CHD9: variants seen among roughly 807,000 people sequenced by gnomAD.
The protein encoded by CHD9 is chromodomain helicase DNA binding protein 9, also known as ATP-dependent chromatin remodeler CHD9.
Under a neutral mutation model 316.1 loss-of-function variants are expected in CHD9, and 77 were observed. The observed-to-expected ratio is 0.24, with a 90% CI of 0.20 to 0.29. The LOEUF is 0.29. Ranked by LOEUF, CHD9 falls within the 10% of genes least tolerant of loss-of-function variation. CHD9 has a pLI of 1.00. For missense variants in CHD9, 2,763 were observed against 3,438.1 expected (o/e 0.80, Z 4.91); for synonymous variants, 1,129 against 1,158.3 (o/e 0.97, Z 0.51).
chr16:53,205,862 A>G (rs1011872623), intron 2 of CHD9, among the ~76,000 whole-genome samples: 5 of 152,172 alleles, frequency 3.3e-5, no homozygotes, highest in African/African-American at 9.7e-5. Flanking sequence ...TCAAATTGCT[A>G]GAGATCTCCA....
chr16:53,143,824 A>G (rs892865716), intron 1 of CHD9, among the ~76,000 whole-genome samples: 1 of 152,122 alleles, frequency 6.6e-6, no homozygotes, highest in African/African-American at 2.4e-5. Flanking sequence ...TTTTGCTGGG[A>G]CTCATGCTGT....
At chr16:53,221,660 T>C (rs1418071624) in intron 3 of CHD9, among the ~76,000 whole-genome samples, 1 of 152,144 alleles carries the variant, frequency 6.6e-6, no homozygotes, top group Non-Finnish European at 1.5e-5. Flanking sequence ...TCAATATATA[T>C]ATAAACATAC....
At chr16:53,241,907 T>G (rs1012935367) in intron 12 of CHD9, among the ~76,000 whole-genome samples, 1 of 152,222 alleles carries the variant, frequency 6.6e-6, no homozygotes, top group Non-Finnish European at 1.5e-5. Context: ...CAATAGTGTC[T>G]TGCTCAGAGC....
intron 2 of CHD9, among the ~76,000 whole-genome samples, chr16:53,181,846 G>A (rs888219949): frequency 6.6e-6 from 1 of 152,122 alleles, no homozygotes; most frequent in African/African-American, 2.4e-5. Context: ...TTGGGAGGCC[G>A]AGCTGGGCGA....
chr16:53,164,909 C>T (rs2042172115), intron 2 of CHD9, among the ~76,000 whole-genome samples: 1 of 152,092 alleles, frequency 6.6e-6, no homozygotes, highest in Non-Finnish European at 1.5e-5. Flanking sequence ...CCCTTCTTGG[C>T]CTCCCAAAAT....
At chr16:53,321,227 A>T in intron 37 of CHD9, 1 of 1,326,148 alleles carries the variant, frequency 7.5e-7, no homozygotes, top group South Asian at 1.2e-5. Context: ...GGTAAGTCTA[A>T]CTCTAGAGGG....
chr16:53,212,465 A>G (rs1344469750), intron 3 of CHD9, among the ~76,000 whole-genome samples: 2 of 152,070 alleles, frequency 1.3e-5, no homozygotes, highest in South Asian at 2.1e-4. Context: ...TTTATGGTTG[A>G]TGTCATCAGG....
At chr16:53,271,574 A>G (rs988756778) in intron 22 of CHD9, among the ~76,000 whole-genome samples, 17 of 147,894 alleles carry the variant, frequency 1.1e-4, no homozygotes, top group Non-Finnish European at 1.7e-4. Flanking sequence ...GTCTCAGAAG[A>G]AAAAAAAAAA....
At chr16:53,287,482 C>T (rs534869852) in intron 26 of CHD9, among the ~76,000 whole-genome samples, 2 of 152,194 alleles carry the variant, frequency 1.3e-5, no homozygotes, top group Non-Finnish European at 2.9e-5. Flanking sequence ...AATCCCAGCA[C>T]TTTGGGAGGC....
chr16:53,066,141 A>C (rs2033484146), intron 1 of CHD9, among the ~76,000 whole-genome samples: 1 of 152,102 alleles, frequency 6.6e-6, no homozygotes, highest in Non-Finnish European at 1.5e-5. Flanking sequence ...TCCATCACTT[A>C]CTGGTTGTGT....
At chr16:53,302,670 T>C (rs1172417159) in intron 30 of CHD9, among the ~76,000 whole-genome samples, 1 of 152,160 alleles carries the variant, frequency 6.6e-6, no homozygotes, top group African/African-American at 2.4e-5. Context: ...AGAAAGGATG[T>C]TTCATTCTCT....
chr16:53,305,118 A>G (rs1404901685), intron 31 of CHD9, among the ~76,000 whole-genome samples: 2 of 151,924 alleles, frequency 1.3e-5, no homozygotes, highest in Non-Finnish European at 2.9e-5. Flanking sequence ...CTGGAGTGCA[A>G]TGGCACGATC....
At chr16:53,230,219 T>TC (rs1223183930) in intron 8 of CHD9, among the ~76,000 whole-genome samples, 1 of 152,240 alleles carries the variant, frequency 6.6e-6, no homozygotes, top group Non-Finnish European at 1.5e-5. Flanking sequence ...TGGTACATGA[T>TC]ACCTCTGTAC....
At chr16:53,112,686 T>A (rs2037961758) in intron 1 of CHD9, among the ~76,000 whole-genome samples, 1 of 152,170 alleles carries the variant, frequency 6.6e-6, no homozygotes, top group Admixed American at 6.5e-5. Context: ...CAATGTAGTA[T>A]TTTTGGAGAA....
At chr16:53,080,453 G>A (rs2034924647) in intron 1 of CHD9, among the ~76,000 whole-genome samples, 4 of 152,176 alleles carry the variant, frequency 2.6e-5, no homozygotes, top group Admixed American at 2.0e-4. Flanking sequence ...GGGAGACAGT[G>A]TTTGTCTAAA....
At chr16:53,301,258 T>G (rs1314448098) in intron 30 of CHD9, among the ~76,000 whole-genome samples, 1 of 152,190 alleles carries the variant, frequency 6.6e-6, no homozygotes, top group South Asian at 2.1e-4. Context: ...AAATGTAAAG[T>G]AGATTTCATA....
rs1459147850 is a variant in CHD9 at position 53,249,889 on chromosome 16, T to G, written c.3684T>G (p.Ile1228Met). Residue 1228 changes from isoleucine (I) to methionine (M), a missense_variant, in exon 17 of 39, where the codon ATT becomes ATG. This residue lies in a region of CHD9 where 39 missense variants were observed against 40.4 expected (regional missense o/e 0.97). Coordinates refer to ENST00000447540, the MANE Select transcript of CHD9 (RefSeq NM_001308319.2). ...LIHKRYLYER[I>M]DGRVRGNLRQ... ...TCCATAGATACTTATATGAGCGAAT[T>G]GATGGCAGAGTCAGAGGAAATCTTC... is the stretch of plus-strand genomic sequence containing the variant. 1.2e-6 allele frequency: 2 copies of G among 1,612,956 alleles called. No individual in the cohort carries two copies. The highest frequency in any genetic ancestry group is 1.7e-6 in the Non-Finnish European group (2 of 1,179,084).
Position 53,170,578 on chromosome 16 carries a change from CGTGTGTGTGTGTGTGT to C in CHD9, c.1452+13064_1452+13079del, listed in dbSNP as rs10593955. 2.0e-4 allele frequency among the ~76,000 whole-genome samples: 28 copies of C among 140,232 alleles called. 1 individual carries two copies. The highest frequency in any genetic ancestry group is 3.4e-4 in the African/African-American group (13 of 37,914). 92.0% of individuals were successfully genotyped at this position (140,232 alleles called of 152,430 possible). ...GTGCAGTACTAGTATTTTGTAATTT[CGTGTGTGTGTGTGTGT>C]GTGTGTGTGTGTGTGTGTGTGTGTG... is the stretch of plus-strand genomic sequence containing the variant. On this transcript the variant is annotated intron_variant, in intron 2 of 38. Transcript: ENST00000447540.
intron 24 of CHD9, among the ~76,000 whole-genome samples, chr16:53,278,668 A>G (rs949217760): frequency 3.9e-5 from 6 of 152,238 alleles, no homozygotes; most frequent in Non-Finnish European, 8.8e-5. Flanking sequence ...ATTTACAAGA[A>G]AAAAGCAACC....
Sources: gnomAD v4.1 joint callset for allele counts (sites outside exome capture counted in the v4.1 genomes callset) on GRCh38, gnomAD v4.1.1 for gene constraint, gnomAD v4.1.1 regional missense constraint, MANE v1.5 for transcripts, NCBI Gene and HGNC (gene_info 2026-07-23, HGNC 2026-07-21) for gene names.